Variants in RPS6KB2 observed in about 807,000 individuals in gnomAD.
RPS6KB2 encodes the protein ribosomal protein S6 kinase B2, also known as ribosomal protein S6 kinase beta-2.
RPS6KB2 carries 51 observed loss-of-function variants against 58.2 expected under a neutral mutation model. That is an observed-to-expected ratio of 0.88 (90% CI 0.70 to 1.11). The LOEUF (loss-of-function observed/expected upper bound fraction) is 1.11, where lower values mean the gene tolerates loss of function less well. Among genes scored for constraint, RPS6KB2 ranks in the 50% least tolerant of loss-of-function variants. The pLI, the probability that RPS6KB2 is intolerant of heterozygous loss-of-function variation, is 0.00. For missense variants in RPS6KB2, 671 were observed against 655.8 expected, an observed-to-expected ratio of 1.02 and a Z score of -0.25; for synonymous variants, 293 against 258.6, an observed-to-expected ratio of 1.13 and a Z score of -1.28.
chr11:67,431,460 G>A lies in RPS6KB2; in HGVS notation c.402G>A (p.Leu134=). 6.2e-7 allele frequency: 1 copy of A among 1,614,136 alleles called. No individual in the cohort carries two copies. The highest frequency in any genetic ancestry group is 1.1e-5 in the South Asian group (1 of 91,074). ...TGAAGCACCCCTTTATTGTGGAACTGGCCTATGCCTTCCAGACTGGTGGCA... is the reference window on the plus strand; with the variant it reads ...TGAAGCACCCCTTTATTGTGGAACTAGCCTATGCCTTCCAGACTGGTGGCA... ...ESVKHPFIVE[L]AYAFQTGGKL... is the part of the protein sequence containing the mutation. The change falls in exon 5 of 15, where the codon CTG becomes CTA. Residue 134 remains leucine, a synonymous_variant. Transcript: ENST00000312629.
intron 5 of RPS6KB2, 128 bp downstream of exon 5, chr11:67,431,643 C>A (rs1175393746): frequency 5.2e-6 from 4 of 765,852 alleles, no homozygotes. Context: ...CCCACTCTGT[C>A]CTACCCATCC....
chr11:67,429,012 G>T lies in RPS6KB2; in HGVS notation c.109G>T (p.Ala37Ser), dbSNP rs778267371. 1 of 1,614,068 alleles carries T rather than the reference G, an allele frequency of 6.2e-7. No individual in the cohort carries two copies. The highest frequency in any genetic ancestry group is 1.1e-5 in the South Asian group (1 of 91,084). ...DACPLAELRA[A>S]GLEPVGHYEE... Reference sequence around the variant, plus strand: ...ATGTCCCCTTGCCGAGTTGAGGGCAGCTGGCCTAGAGTGAGTGAGGGTCGT... The same window carrying T: ...ATGTCCCCTTGCCGAGTTGAGGGCATCTGGCCTAGAGTGAGTGAGGGTCGT... Residue 37 changes from alanine (A) to serine (S), a missense_variant, in exon 2 of 15, where the codon GCT becomes TCT. Ala to Ser is a moderately conservative substitution (Grantham distance 99). Coordinates refer to ENST00000312629, the MANE Select transcript of RPS6KB2 (RefSeq NM_003952.3).
In RPS6KB2 at chr11:67,434,856, G is replaced by A; in HGVS notation, c.1269-133G>A. The A allele has an allele frequency of 4.8e-6, 5 of 1,040,610 alleles. No homozygotes were observed. In the South Asian group the frequency reaches 7.3e-5, roughly 15 times the overall value. 64.5% of individuals were successfully genotyped at this position (1,040,610 alleles called of 1,614,324 possible). A position where few individuals can be genotyped will look rare whatever the true frequency, so the allele number is the denominator to read the frequency against. ...TTCCTACACCCCTTGTGGCCAGGCTGCCTGGATGGGAGTTTGTGGAGCCCG... is the reference window on the plus strand; with the variant it reads ...TTCCTACACCCCTTGTGGCCAGGCTACCTGGATGGGAGTTTGTGGAGCCCG... On this transcript the variant is annotated intron_variant, in intron 14 of 14. Coordinates refer to ENST00000312629, the MANE Select transcript of RPS6KB2 (RefSeq NM_003952.3).
chr11:67,434,088 C>T, intron 11 of RPS6KB2, 31 bp downstream of exon 11: 1 of 1,613,304 alleles, frequency 6.2e-7, no homozygotes, highest in Non-Finnish European at 8.5e-7. Context: ...AGGGGTAGGG[C>T]TGAGTCTCCA....
At chr11:67,431,597 T>G in intron 5 of RPS6KB2, 82 bp downstream of exon 5, 6 of 1,446,204 alleles carry the variant, frequency 4.1e-6, no homozygotes, top group Middle Eastern at 2.3e-4. Context: ...GGGGAAGCTC[T>G]TGAGAGATGA....
Position 67,435,354 on chromosome 11 carries a change from C to T in RPS6KB2, c.*185C>T, listed in dbSNP as rs1431271321. The T allele has an allele frequency of 2.1e-5, 14 of 654,070 alleles. No homozygotes were observed. The African/African-American group carries it at 2.4e-4, about 11-fold the overall frequency. The allele number at this position is 654,070 out of a possible 1,614,324, so 40.5% of individuals were successfully genotyped here. A position where few individuals can be genotyped will look rare whatever the true frequency, so the allele number is the denominator to read the frequency against. On this transcript the variant is annotated 3_prime_UTR_variant, in exon 15 of 15. Transcript: ENST00000312629. ...CATGGGCACGGAGGGCCGCCCGCCA[C>T]GCCCCGCGCTCAACTGCTCCCGTGG...
chr11:67,431,560 G>C, intron 5 of RPS6KB2, 45 bp downstream of exon 5: 1 of 1,592,338 alleles, frequency 6.3e-7, no homozygotes, highest in Non-Finnish European at 8.6e-7. Context: ...TCGCGGGGGG[G>C]CAGCGAGCCA....
chr11:67,428,777 C>A, intron 1 of RPS6KB2, 154 bp downstream of exon 1: 1 of 902,806 alleles, frequency 1.1e-6, no homozygotes, highest in Non-Finnish European at 1.8e-6. Flanking sequence ...TCTGATCCCA[C>A]CCTCACCCCG....
chr11:67,429,580 G>C lies in RPS6KB2; in HGVS notation c.294G>C (p.Met98Ile). 6 of 1,612,530 alleles carry C rather than the reference G, an allele frequency of 3.7e-6. No homozygotes were observed. Among genetic ancestry groups the C allele is most frequent in the Non-Finnish European group, 5.1e-6 (6 of 1,179,404 alleles). The change falls in exon 4 of 15, where the codon ATG becomes ATC. Residue 98 changes from methionine (M) to isoleucine (I), a missense_variant. Physicochemically the swap from Met to Ile is conservative, Grantham distance 10 (BLOSUM62 1). Transcript: ENST00000312629. ...CCAACTTGGGCAAAATATATGCCAT[G>C]AAAGTCCTAAGGAAGGTGAGTCACT... ...QGTNLGKIYA[M>I]KVLRKAKIVR...
intron 4 of RPS6KB2, chr11:67,429,813 T>G: frequency 2.0e-6 from 1 of 511,718 alleles, no homozygotes; most frequent in Non-Finnish European, 3.5e-6. Flanking sequence ...CTGGACACTA[T>G]TTTATTTTAT....
rs369037281 is a variant in RPS6KB2, at chr11:67,432,499, C to T, written c.458-101C>T. ...CGGCAGCTCTGTGAGGCAGGTAGGG[C>T]GGGAATTATGAGCCCCTCTTTCCCC... On this transcript the variant is annotated intron_variant, in intron 5 of 14. Transcript: ENST00000312629. The T allele has an allele frequency of 6.8e-5, 86 of 1,257,968 alleles. No homozygotes were observed. In the East Asian group the frequency reaches 1.3e-3, roughly 19 times the overall value. The allele number at this position is 1,257,968 out of a possible 1,614,324, so 77.9% of individuals were successfully genotyped here.
intron 3 of RPS6KB2, 21 bp downstream of exon 3, chr11:67,429,261 C>T (rs1385845198): frequency 6.2e-7 from 1 of 1,610,744 alleles, no homozygotes; most frequent in Non-Finnish European, 8.5e-7. Flanking sequence ...GCGCACCCTC[C>T]TCCTGGCCTC....
Position 67,433,004 on chromosome 11 carries a change from C to T in RPS6KB2, c.669C>T (p.Gly223=), listed in dbSNP as rs377739693. 2.6e-4 allele frequency: 414 copies of T among 1,613,270 alleles called. No individual in the cohort carries two copies. The highest frequency in any genetic ancestry group is 3.2e-4 in the Non-Finnish European group (382 of 1,180,030). The stretch of plus-strand genomic sequence containing the variant: ...TCTGCAAGGAGTCTATCCATGAGGG[C>T]GCCGTCACTCACACCTTCTGCGGCA... ...FGLCKESIHE[G]AVTHTFCGTI... The change falls in exon 8 of 15, where the codon GGC becomes GGT. Residue 223 remains glycine, a synonymous_variant. Transcript: ENST00000312629.
rs756841481 is a variant in RPS6KB2, at chr11:67,432,717, AC to A, written c.516-17del. The A allele has an allele frequency of 1.2e-6, 2 of 1,613,754 alleles. No individual in the cohort carries two copies. The highest frequency in any genetic ancestry group is 1.7e-6 in the Non-Finnish European group (2 of 1,179,834). ...AGGTCCCTGCTCTACTCCCGCCTTCACCCTGTCTTGTTTCTGCAGCTTCTAC... is the reference window on the plus strand; with the variant it reads ...AGGTCCCTGCTCTACTCCCGCCTTCACCTGTCTTGTTTCTGCAGCTTCTAC... On this transcript the variant is annotated intron_variant, in intron 6 of 14. Transcript: ENST00000312629.
Position 67,434,673 on chromosome 11 carries a change from G to T in RPS6KB2, c.1247G>T (p.Ser416Ile). The change falls in exon 14 of 15, where the codon AGT becomes ATT. Residue 416 changes from serine to isoleucine, a missense_variant. Physicochemically the swap from Ser to Ile is moderately radical, Grantham distance 142. Transcript: ENST00000312629. ...CTGCGCTCACCCAGGCGCCTCAACA[G>T]TAGCCCCCGGGCCCCCGTCAGGTAC... Reference protein sequence around the residue: ...PKLRSPRRLNSSPRAPVSPLK... With the variant: ...PKLRSPRRLNISPRAPVSPLK... 6.2e-7 allele frequency: 1 copy of T among 1,609,286 alleles called. No homozygotes were observed.
chr11:67,429,431 C>G (rs1387667335), intron 3 of RPS6KB2, 96 bp from the exon 4 acceptor site: 2 of 1,409,482 alleles, frequency 1.4e-6, no homozygotes, highest in African/African-American at 2.8e-5. Flanking sequence ...TTGGCAGGGC[C>G]TAGGCCTCCT....
intron 11 of RPS6KB2, 21 bp downstream of exon 11, chr11:67,434,078 A>G (rs1864151630): frequency 6.2e-7 from 1 of 1,613,780 alleles, no homozygotes; most frequent in Non-Finnish European, 8.5e-7. Flanking sequence ...GACCACCACC[A>G]GGGGTAGGGC....
In RPS6KB2 at chr11:67,433,186, G is replaced by C; in HGVS notation, c.768G>C (p.Gly256=). 6.2e-7 allele frequency: 1 copy of C among 1,605,890 alleles called. No homozygotes were observed. The highest frequency in any genetic ancestry group is 8.5e-7 in the Non-Finnish European group (1 of 1,178,242). Residue 256 remains glycine (G), a synonymous_variant, in exon 9 of 15, where the codon GGG becomes GGC. Transcript: ENST00000312629. ...HNRAVDWWSL[G]ALMYDMLTGS... ...GGGCTGTGGACTGGTGGAGCCTGGGGGCCCTGATGTACGACATGCTCACTG... is the reference window on the plus strand; with the variant it reads ...GGGCTGTGGACTGGTGGAGCCTGGGCGCCCTGATGTACGACATGCTCACTG...
At position 67,433,644 on chromosome 11, in the gene RPS6KB2, A is replaced by C. The variant is rs1032829827; in HGVS notation, c.906+197A>C. 1.3e-5 allele frequency among the ~76,000 whole-genome samples: 2 copies of C among 152,192 alleles called. 1 individual carries two copies. The highest frequency in any genetic ancestry group is 2.9e-5 in the Non-Finnish European group (2 of 68,026). ...CACAGACCAGCTGCTGCCCTGGCCC[A>C]GTCCTTAGGCTGAGTCCTAACCAGT... On this transcript the variant is annotated intron_variant, in intron 10 of 14. Coordinates refer to ENST00000312629, the MANE Select transcript of RPS6KB2 (RefSeq NM_003952.3).
Sources: gnomAD v4.1 joint callset for allele counts (sites outside exome capture counted in the v4.1 genomes callset) on GRCh38, gnomAD v4.1.1 for gene constraint, MANE v1.5 for transcripts, NCBI Gene and HGNC (gene_info 2026-07-23, HGNC 2026-07-21) for gene names.